Variants in RYK observed in about 807,000 individuals in gnomAD.
RYK encodes receptor like tyrosine kinase.
In RYK, 21 loss-of-function variants were observed where a neutral mutation model predicts 70.2. The observed-to-expected ratio is 0.30, with a 90% CI of 0.21 to 0.43. The LOEUF is 0.43. Ranked by LOEUF, RYK falls within the 20% of genes least tolerant of loss-of-function variation. The pLI, the probability that RYK is intolerant of heterozygous loss-of-function variation, is 1.00. For missense variants in RYK, 604 were observed against 753.3 expected (o/e 0.80, Z 2.32); for synonymous variants, 267 against 278.0 (o/e 0.96, Z 0.39).
intron 13 of RYK, among the ~76,000 whole-genome samples, chr3:134,163,555 C>T (rs2012553653): frequency 6.6e-6 from 1 of 152,122 alleles, no homozygotes; most frequent in Non-Finnish European, 1.5e-5. Context: ...AGTTTTTCCA[C>T]TAAAACATAT....
chr3:134,228,895 C>T (rs547962933), intron 1 of RYK, among the ~76,000 whole-genome samples: 5 of 152,134 alleles, frequency 3.3e-5, no homozygotes, highest in Admixed American at 2.0e-4. Flanking sequence ...AAATGTATCA[C>T]GTGATGAATA....
At chr3:134,201,956 GTCC>G (rs1267214049) in intron 6 of RYK, among the ~76,000 whole-genome samples, 1 of 152,086 alleles carries the variant, frequency 6.6e-6, no homozygotes, top group East Asian at 1.9e-4. Context: ...TGACTATAAT[GTCC>G]TCCTTGTCAT....
rs145003259 is a variant in RYK at position 134,164,684 on chromosome 3, G to C, written c.1576-5311C>G. Reference sequence around the variant, plus strand: ...AGCATTTGAATTATGTTCAGCCTTAGCTATTAAAAATAAAGCTGCTATGAA... The same window carrying C: ...AGCATTTGAATTATGTTCAGCCTTACCTATTAAAAATAAAGCTGCTATGAA... On this transcript the variant is annotated intron_variant, in intron 13 of 14. Coordinates refer to ENST00000623711, the MANE Select transcript of RYK (RefSeq NM_002958.4). 5.1e-3 allele frequency among the ~76,000 whole-genome samples: 775 copies of C among 152,328 alleles called. 2 individuals are homozygous for C. The highest frequency in any genetic ancestry group is 0.017 in the Middle Eastern group (5 of 294).
At chr3:134,175,829 C>T (rs2013081755) in intron 12 of RYK, 61 bp from the exon 13 acceptor site, 1 of 1,584,454 alleles carries the variant, frequency 6.3e-7, no homozygotes. Context: ...GGGATCATCA[C>T]CACCCTTAAA....
intron 1 of RYK, among the ~76,000 whole-genome samples, chr3:134,228,252 C>T (rs2014961974): frequency 1.3e-5 from 2 of 152,162 alleles, no homozygotes; most frequent in South Asian, 4.1e-4. Context: ...GATCGTGTCA[C>T]TGCACTCCAG....
chr3:134,169,502 T>C lies in RYK; in HGVS notation c.1575+6107A>G, dbSNP rs1576502481. Among the ~76,000 whole-genome samples, 3 of 152,296 alleles carry C rather than the reference T, an allele frequency of 2.0e-5. No homozygotes were observed. In the South Asian group the frequency reaches 6.2e-4, roughly 32 times the overall value. ...AGAATGCCTACAATGATGTCATATC[T>C]TGGAATAATATTAGACATTTATAAC... is the stretch of plus-strand genomic sequence containing the variant. On this transcript the variant is annotated intron_variant, in intron 13 of 14. Transcript: ENST00000623711.
At chr3:134,216,422 A>G (rs1466320963) in intron 2 of RYK, among the ~76,000 whole-genome samples, 1 of 152,120 alleles carries the variant, frequency 6.6e-6, no homozygotes, top group Non-Finnish European at 1.5e-5. Flanking sequence ...GAAAGCACAG[A>G]ACAGCCATGG....
At chr3:134,168,419 C>T (rs2012767242) in intron 13 of RYK, among the ~76,000 whole-genome samples, 1 of 152,162 alleles carries the variant, frequency 6.6e-6, no homozygotes, top group South Asian at 2.1e-4. Context: ...GGCACATATA[C>T]ACCATGGAAT....
chr3:134,181,870 A>G (rs2013304865), intron 10 of RYK, among the ~76,000 whole-genome samples: 1 of 152,186 alleles, frequency 6.6e-6, no homozygotes, highest in Non-Finnish European at 1.5e-5. Flanking sequence ...CAAGCTTTTA[A>G]AAAAGGTCTT....
chr3:134,207,074 C>A (rs2014236286), intron 5 of RYK, among the ~76,000 whole-genome samples: 1 of 151,966 alleles, frequency 6.6e-6, no homozygotes, highest in Non-Finnish European at 1.5e-5. Flanking sequence ...GTTTAAGTAA[C>A]ATAATATCTT....
intron 2 of RYK, among the ~76,000 whole-genome samples, chr3:134,217,518 A>T (rs7609611): frequency 0.14 from 21,962 of 152,190 alleles, 1,951 homozygotes; most frequent in East Asian, 0.47. Flanking sequence ...CTATATAATA[A>T]TAAGTAATAC....
chr3:134,230,530 T>C (rs1396055668), intron 1 of RYK, among the ~76,000 whole-genome samples: 1 of 152,234 alleles, frequency 6.6e-6, no homozygotes, highest in East Asian at 1.9e-4. Context: ...TAGGGATGAA[T>C]TTCATAGACT....
At chr3:134,207,829 C>A (rs2014262045) in intron 4 of RYK, among the ~76,000 whole-genome samples, 1 of 152,164 alleles carries the variant, frequency 6.6e-6, no homozygotes, top group Non-Finnish European at 1.5e-5. Context: ...AATATAAAGA[C>A]TGAAAGGAGT....
intron 2 of RYK, among the ~76,000 whole-genome samples, chr3:134,221,988 C>T (rs2014752252): frequency 6.6e-6 from 1 of 152,130 alleles, no homozygotes; most frequent in Admixed American, 6.5e-5. Context: ...ATCTGCTGTA[C>T]CTTTCTTACA....
chr3:134,229,728 A>G (rs1329126786), intron 1 of RYK, among the ~76,000 whole-genome samples: 1 of 152,096 alleles, frequency 6.6e-6, no homozygotes, highest in East Asian at 1.9e-4. Context: ...AAAATTTTTT[A>G]ACCAAATTAA....
intron 4 of RYK, among the ~76,000 whole-genome samples, chr3:134,209,401 A>T (rs1316568307): frequency 6.6e-6 from 1 of 152,198 alleles, no homozygotes; most frequent in East Asian, 1.9e-4. Context: ...AGAAGTCCCA[A>T]CAGATTTTTC....
At chr3:134,212,637 TTTTC>T (rs796347188) in intron 2 of RYK, among the ~76,000 whole-genome samples, 33 of 152,338 alleles carry the variant, frequency 2.2e-4, no homozygotes, top group African/African-American at 6.5e-4. Context: ...GTTCCAAAGC[TTTTC>T]TTTGTTTTTA....
At chr3:134,162,945 C>T (rs1056994135) in intron 13 of RYK, among the ~76,000 whole-genome samples, 1 of 152,146 alleles carries the variant, frequency 6.6e-6, no homozygotes, top group African/African-American at 2.4e-5. Context: ...CAGGGAATAA[C>T]CCCATCCACT....
At chr3:134,243,127 G>A (rs1379829138) in intron 1 of RYK, among the ~76,000 whole-genome samples, 2 of 152,162 alleles carry the variant, frequency 1.3e-5, no homozygotes, top group Admixed American at 6.5e-5. Context: ...GCTGGGAGGA[G>A]AGGAATACAT....
Sources: allele counts gnomAD v4.1 joint callset (sites outside exome capture counted in the v4.1 genomes callset), GRCh38; gene constraint gnomAD v4.1.1; transcripts MANE v1.5; gene names NCBI Gene and HGNC (gene_info 2026-07-23, HGNC 2026-07-21).